ZNF2: variants seen among roughly 807,000 people sequenced by gnomAD.
ZNF2 encodes the protein zinc finger protein 2.
ZNF2 carries 12 observed loss-of-function variants against 21.9 expected under a neutral mutation model. The ratio of observed to expected loss-of-function variants is 0.55; its 90% CI spans 0.35 to 0.89. The LOEUF (loss-of-function observed/expected upper bound fraction) is 0.89. Ranked by LOEUF, ZNF2 falls within the 40% of genes least tolerant of loss-of-function variation. The pLI, the probability that ZNF2 is intolerant of heterozygous loss-of-function variation, is 0.01. For synonymous variants in ZNF2, 186 were observed against 196.3 expected (o/e 0.95, Z 0.44); for missense variants, 462 against 544.2 (o/e 0.85, Z 1.50).
chr2:95,166,406 G>A (rs528565915), intron 1 of ZNF2, among the ~76,000 whole-genome samples: 68 of 152,252 alleles, frequency 4.5e-4, no homozygotes, highest in African/African-American at 1.6e-3. Flanking sequence ...AGGAACAGTG[G>A]TAGACAAGGT....
chr2:95,169,481 G>A (rs888545075), intron 1 of ZNF2, among the ~76,000 whole-genome samples: 3 of 152,150 alleles, frequency 2.0e-5, no homozygotes, highest in Non-Finnish European at 2.9e-5. Flanking sequence ...TCGGCCAGGC[G>A]CAGTGGCTCA....
At chr2:95,180,928 T>C in intron 4 of ZNF2, 175 bp from the exon 5 acceptor site, 1 of 716,984 alleles carries the variant, frequency 1.4e-6, no homozygotes, top group African/African-American at 1.8e-5. Flanking sequence ...TCCATTCTGT[T>C]CCCTGCCACC....
At chr2:95,167,105 A>G (rs962792633) in intron 1 of ZNF2, among the ~76,000 whole-genome samples, 4 of 152,204 alleles carry the variant, frequency 2.6e-5, no homozygotes, top group African/African-American at 9.7e-5. Context: ...TCACAGAAAG[A>G]CAGCAATTTT....
chr2:95,181,197 T>A lies in ZNF2; in HGVS notation c.369T>A (p.Pro123=). The A allele has an allele frequency of 6.2e-7, 1 of 1,614,208 alleles. No homozygotes were observed. Among genetic ancestry groups the A allele is most frequent in the East Asian group, 2.2e-5 (1 of 44,870 alleles). The change falls in exon 5 of 5, where the codon CCT becomes CCA. Residue 123 remains proline (P), a synonymous_variant. Coordinates refer to ENST00000614034, the MANE Select transcript of ZNF2 (RefSeq NM_021088.4). ...TTGGAAGGCAAAGTCCTCTGTGTCCTAAATTTGAAGTTCATACACCCAATG... is the reference window on the plus strand; with the variant it reads ...TTGGAAGGCAAAGTCCTCTGTGTCCAAAATTTGAAGTTCATACACCCAATG... ...ECLGRQSPLC[P]KFEVHTPNGR...
At chr2:95,171,326 C>T (rs566178099) in intron 1 of ZNF2, among the ~76,000 whole-genome samples, 41 of 152,078 alleles carry the variant, frequency 2.7e-4, no homozygotes, top group Non-Finnish European at 5.0e-4. Flanking sequence ...CATCTTTGCC[C>T]TCATCACCTT....
intron 1 of ZNF2, among the ~76,000 whole-genome samples, chr2:95,166,961 T>C (rs1674070509): frequency 6.6e-6 from 1 of 152,112 alleles, no homozygotes; most frequent in Non-Finnish European, 1.5e-5. Flanking sequence ...TTACAGGACA[T>C]GGACATCTGT....
Position 95,181,348 on chromosome 2 carries a change from G to A in ZNF2, c.520G>A (p.Glu174Lys), listed in dbSNP as rs746147213. ...AATTCTCACTAAAGAGAGACACCAG[G>A]AATGCAGTGACTGTGGGAAGACCTT... Reference protein sequence around the residue: ...REILTKERHQECSDCGKTFFD... With the variant: ...REILTKERHQKCSDCGKTFFD... The change falls in exon 5 of 5, where the codon GAA (glutamate) becomes AAA (lysine). Residue 174 changes from glutamate (E) to lysine (K), a missense_variant. By Grantham distance (56) the Glu-to-Lys change is moderately conservative. Transcript: ENST00000614034. The A allele has an allele frequency of 6.2e-7, 1 of 1,614,086 alleles. No individual in the cohort carries two copies. The highest frequency in any genetic ancestry group is 2.2e-5 in the East Asian group (1 of 44,888).
At chr2:95,180,048 T>G (rs1674584112) in intron 3 of ZNF2, 111 bp from the exon 4 acceptor site, 2 of 731,016 alleles carry the variant, frequency 2.7e-6, no homozygotes, top group Admixed American at 4.3e-5. Flanking sequence ...CAGAGTGAGA[T>G]GCTGTCTCAA....
At chr2:95,178,749 G>A (rs1446161844) in intron 3 of ZNF2, among the ~76,000 whole-genome samples, 1 of 152,158 alleles carries the variant, frequency 6.6e-6, no homozygotes, top group Non-Finnish European at 1.5e-5. Flanking sequence ...AGTCCATGGT[G>A]TATGCAGATG....
Position 95,181,300 on chromosome 2 carries a change from C to T in ZNF2, c.472C>T (p.Arg158Ter). Residue 158 changes from arginine (R) to a stop codon, truncating the protein, a stop_gained, in exon 5 of 5, where the codon CGA becomes TGA. Transcript: ENST00000614034. LOFTEE classifies it low-confidence loss of function (END_TRUNC). ...CCTCTCCCGGGACAAAGGCTTGCGG[C>T]GACGGTCAGCCCTGTCCAGGGAAAT... ...KSLSRDKGLR[R>*]RSALSREILT... The T allele has an allele frequency of 3.7e-6, 6 of 1,614,166 alleles. No individual in the cohort carries two copies. The highest frequency in any genetic ancestry group is 5.1e-6 in the Non-Finnish European group (6 of 1,180,030).
chr2:95,176,067 C>G, intron 1 of ZNF2, 121 bp from the exon 2 acceptor site: 1 of 901,596 alleles, frequency 1.1e-6, no homozygotes, highest in South Asian at 1.3e-5. Context: ...CTTAGACCCC[C>G]TTTTGTAAGG....
chr2:95,181,415 C>T lies in ZNF2; in HGVS notation c.587C>T (p.Thr196Ile), dbSNP rs368628585. The T allele has an allele frequency of 1.9e-5, 30 of 1,614,208 alleles. No individual in the cohort carries two copies. In the East Asian group the frequency reaches 3.1e-4, roughly 17 times the overall value. Residue 196 changes from threonine to isoleucine, a missense_variant, in exon 5 of 5, where the codon ACT becomes ATT. By Grantham distance (89) the Thr-to-Ile change is moderately conservative. Coordinates refer to ENST00000614034, the MANE Select transcript of ZNF2 (RefSeq NM_021088.4). Reference sequence around the variant, plus strand: ...CTCACCCGCCATCAGAGGACTCACACTGGGGAGAAGCCCTACGACTGCCGC... The same window carrying T: ...CTCACCCGCCATCAGAGGACTCACATTGGGGAGAAGCCCTACGACTGCCGC... ...SSLTRHQRTH[T>I]GEKPYDCREC...
chr2:95,169,700 A>C (rs1391010637), intron 1 of ZNF2, among the ~76,000 whole-genome samples: 9 of 152,202 alleles, frequency 5.9e-5, no homozygotes, highest in Non-Finnish European at 1.5e-5. Context: ...CAGTGAGCCG[A>C]GATAATGTCA....
chr2:95,171,298 C>T (rs1674257585), intron 1 of ZNF2, among the ~76,000 whole-genome samples: 1 of 152,094 alleles, frequency 6.6e-6, no homozygotes, highest in African/African-American at 2.4e-5. Flanking sequence ...ATCCATGCCG[C>T]ATTGGTAACC....
At chr2:95,170,429 T>G (rs1449691764) in intron 1 of ZNF2, among the ~76,000 whole-genome samples, 5 of 152,206 alleles carry the variant, frequency 3.3e-5, no homozygotes, top group Admixed American at 3.3e-4. Context: ...TCTTTTAAAA[T>G]TTTGCTTGGC....
At chr2:95,176,324 C>T (rs1674444021) in intron 2 of ZNF2, 65 bp downstream of exon 2, 3 of 1,604,872 alleles carry the variant, frequency 1.9e-6, no homozygotes, top group African/African-American at 1.3e-5. Context: ...ACTTTTCTTT[C>T]TCTATCCTGG....
rs1474374457 is a variant in ZNF2, at chr2:95,181,974, C to A, written c.1146C>A (p.Cys382Ter). 1 of 1,614,284 alleles carries A rather than the reference C, an allele frequency of 6.2e-7. No individual in the cohort carries two copies. Residue 382 changes from cysteine to a stop codon, truncating the protein, a stop_gained, in exon 5 of 5, where the codon TGC (cysteine) becomes TGA (stop). Coordinates refer to ENST00000614034, the MANE Select transcript of ZNF2 (RefSeq NM_021088.4). LOFTEE classifies it high-confidence loss of function. Reference protein sequence around the residue: ...SECGKAFSQRCRLTRHQRVHT... With the variant: ...SECGKAFSQR ...GCGGGAAAGCCTTTAGCCAGCGGTG[C>A]CGGCTCACGCGGCATCAGCGTGTCC...
intron 3 of ZNF2, among the ~76,000 whole-genome samples, chr2:95,178,976 CA>C (rs1674543314): frequency 6.6e-6 from 1 of 150,444 alleles, no homozygotes; most frequent in African/African-American, 2.4e-5. Context: ...TTTCATTATC[CA>C]GGTTTGGTTT....
At position 95,181,283 on chromosome 2, in the gene ZNF2, G is replaced by A. The variant is rs182498837; in HGVS notation, c.455G>A (p.Arg152Gln). ...GAGACTCGTAAGAAATCCCTCTCCCGGGACAAAGGCTTGCGGCGACGGTCA... is the reference window on the plus strand; with the variant it reads ...GAGACTCGTAAGAAATCCCTCTCCCAGGACAAAGGCTTGCGGCGACGGTCA... Reference protein sequence around the residue: ...SGETRKKSLSRDKGLRRRSAL... With the variant: ...SGETRKKSLSQDKGLRRRSAL... The change falls in exon 5 of 5, where the codon CGG (arginine) becomes CAG (glutamine). Residue 152 changes from arginine to glutamine, a missense_variant. Coordinates refer to ENST00000614034, the MANE Select transcript of ZNF2 (RefSeq NM_021088.4). 9.9e-5 allele frequency: 159 copies of A among 1,614,178 alleles called. No homozygotes were observed. The East Asian group carries it at 2.6e-3, about 26-fold the overall frequency.
Sources: allele counts gnomAD v4.1 joint callset (sites outside exome capture counted in the v4.1 genomes callset), GRCh38; gene constraint gnomAD v4.1.1; transcripts MANE v1.5; gene names NCBI Gene and HGNC (gene_info 2026-07-23, HGNC 2026-07-21).